Variants in SLCO3A1 observed in about 807,000 individuals in gnomAD.
SLCO3A1 encodes the protein PGE1 transporter.
In SLCO3A1, 27 loss-of-function variants were observed where a neutral mutation model predicts 63.1. The observed-to-expected ratio is 0.43, with a 90% confidence interval of 0.32 to 0.59. The LOEUF is 0.59. SLCO3A1 is among the 20% of genes least tolerant of loss of function. The pLI, the probability that SLCO3A1 is intolerant of heterozygous loss-of-function variation, is 0.09. For synonymous variants in SLCO3A1, 473 were observed against 409.9 expected (o/e 1.15, Z -1.86); for missense variants, 773 against 945.8 (o/e 0.82, Z 2.40).
intron 1 of SLCO3A1, chr15:91,889,254 G>GACC: frequency 3.4e-6 from 3 of 895,308 alleles, no homozygotes; most frequent in Non-Finnish European, 4.8e-6. Flanking sequence ...GGTCCTGCTG[G>GACC]ACCTGGAGTG....
chr15:91,953,029 A>G (rs766961350), intron 2 of SLCO3A1, among the ~76,000 whole-genome samples: 2 of 152,188 alleles, frequency 1.3e-5, no homozygotes, highest in Non-Finnish European at 2.9e-5. Flanking sequence ...CAAGAAGTAG[A>G]TAGGCATCAA....
At chr15:92,073,270 T>A (rs1358630420) in intron 2 of SLCO3A1, among the ~76,000 whole-genome samples, 2 of 152,188 alleles carry the variant, frequency 1.3e-5, no homozygotes, top group Non-Finnish European at 2.9e-5. Context: ...AGATCCTTAG[T>A]TCTTGGGTCA....
At chr15:91,978,582 C>A (rs1377683190) in intron 2 of SLCO3A1, among the ~76,000 whole-genome samples, 1 of 152,284 alleles carries the variant, frequency 6.6e-6, no homozygotes, top group East Asian at 1.9e-4. Context: ...ACTTTTTTCC[C>A]CCCTCAGTGG....
intron 7 of SLCO3A1, among the ~76,000 whole-genome samples, chr15:92,143,677 G>A (rs1772923510): frequency 1.3e-5 from 2 of 148,362 alleles, no homozygotes; most frequent in Non-Finnish European, 3.0e-5. Context: ...GCAAAATTGT[G>A]GTTTTTGTCA....
intron 2 of SLCO3A1, among the ~76,000 whole-genome samples, chr15:91,987,946 G>A (rs77305687): frequency 2.6e-5 from 4 of 151,902 alleles, no homozygotes; most frequent in African/African-American, 9.7e-5. Context: ...GGGATTTGCC[G>A]GCAAAGGATT....
chr15:91,909,934 C>T (rs961305611), intron 1 of SLCO3A1, among the ~76,000 whole-genome samples: 1 of 152,200 alleles, frequency 6.6e-6, no homozygotes, highest in Non-Finnish European at 1.5e-5. Context: ...ACAGCTGCCC[C>T]GGCCGTCTCT....
intron 7 of SLCO3A1, among the ~76,000 whole-genome samples, chr15:92,128,707 T>C (rs1413839419): frequency 6.6e-6 from 1 of 152,090 alleles, no homozygotes; most frequent in African/African-American, 2.4e-5. Context: ...CAACTGAAAG[T>C]AAAAATTCAA....
At chr15:92,025,477 A>ACTG (rs929598958) in intron 2 of SLCO3A1, among the ~76,000 whole-genome samples, 1 of 152,066 alleles carries the variant, frequency 6.6e-6, no homozygotes, top group Non-Finnish European at 1.5e-5. Context: ...CACTACTACT[A>ACTG]CTGCTGCTGC....
In SLCO3A1 at chr15:91,950,514, C is replaced by G. The variant is rs1597149580; in HGVS notation, c.646+34056C>G. ...CGTTGTGCAGTATGGCAGGCGCACC[C>G]CACATGGGTGTGTGATCCTTTGTTT... On this transcript the variant is annotated intron_variant, in intron 2 of 9. Transcript: ENST00000318445. The surrounding 1 kb of genome is among the most constrained non-coding windows in gnomAD (Gnocchi z 4.4). 1.3e-5 allele frequency among the ~76,000 whole-genome samples: 2 copies of G among 152,236 alleles called. No homozygotes were observed. The highest frequency in any genetic ancestry group is 2.9e-5 in the Non-Finnish European group (2 of 68,040).
intron 2 of SLCO3A1, among the ~76,000 whole-genome samples, chr15:92,077,732 C>T (rs141201469): frequency 8.7e-4 from 132 of 152,336 alleles, no homozygotes; most frequent in Non-Finnish European, 8.8e-5. Flanking sequence ...TTCCCAGAGC[C>T]AGCAGGGATA....
chr15:92,118,452 G>A (rs1273147068), intron 4 of SLCO3A1, among the ~76,000 whole-genome samples: 1 of 151,286 alleles, frequency 6.6e-6, no homozygotes, highest in Non-Finnish European at 1.5e-5. Flanking sequence ...CTTGAAACTT[G>A]ATACCATTCC....
intron 2 of SLCO3A1, among the ~76,000 whole-genome samples, chr15:91,984,455 T>C (rs78598598): frequency 1.3e-5 from 2 of 152,206 alleles, no homozygotes; most frequent in East Asian, 3.8e-4. Context: ...GATAAGATGA[T>C]GTATTTATGC....
chr15:92,165,571 A>T lies in SLCO3A1; in HGVS notation c.*2436A>T. 7 of 984,814 alleles carry T rather than the reference A, an allele frequency of 7.1e-6. No homozygotes were observed. The highest frequency in any genetic ancestry group is 8.4e-6 in the Non-Finnish European group (7 of 829,386). 61.0% of individuals were successfully genotyped at this position (984,814 alleles called of 1,614,324 possible). A position where few individuals can be genotyped will look rare whatever the true frequency, so the allele number is the denominator to read the frequency against. On this transcript the variant is annotated 3_prime_UTR_variant, in exon 10 of 10. Coordinates refer to ENST00000318445, the MANE Select transcript of SLCO3A1 (RefSeq NM_013272.4). ...TTTTTTTCCTAAGATTTTAGGATGA[A>T]TGTGAAAAAGATGTTAGAATAACAG...
chr15:92,067,491 G>A (rs770535212), intron 2 of SLCO3A1, among the ~76,000 whole-genome samples: 3 of 152,158 alleles, frequency 2.0e-5, no homozygotes, highest in African/African-American at 7.2e-5. Context: ...TTGTCTACTC[G>A]TCTTCCTCCT....
intron 7 of SLCO3A1, among the ~76,000 whole-genome samples, chr15:92,130,844 G>A (rs1208603565): frequency 1.7e-5 from 2 of 114,442 alleles, no homozygotes; most frequent in South Asian, 2.9e-4. Context: ...TCCCTCCCTC[G>A]CCCCCTTTTT....
intron 2 of SLCO3A1, among the ~76,000 whole-genome samples, chr15:91,969,501 T>C (rs1254170272): frequency 1.3e-5 from 2 of 152,168 alleles, no homozygotes; most frequent in East Asian, 3.9e-4. Flanking sequence ...AGTAGGGGGT[T>C]TCTCCATGTT....
At chr15:92,135,087 T>A (rs10852167) in intron 7 of SLCO3A1, among the ~76,000 whole-genome samples, 1 of 152,224 alleles carries the variant, frequency 6.6e-6, no homozygotes, top group Admixed American at 6.5e-5. Context: ...AAGGACATTC[T>A]AGCCGGAAGA....
chr15:92,060,592 G>C (rs12917267), intron 2 of SLCO3A1, among the ~76,000 whole-genome samples: 116,788 of 151,478 alleles, frequency 0.77, 45,317 homozygotes, highest in Admixed American at 0.87. Context: ...CTCCGCCTCC[G>C]GGGTTCAGGC....
chr15:92,138,406 T>C (rs2048086011), intron 7 of SLCO3A1, among the ~76,000 whole-genome samples: 1 of 107,026 alleles, frequency 9.3e-6, no homozygotes, highest in South Asian at 2.7e-4. Context: ...AGTCAGGTAG[T>C]GTGATGCCTC....
Sources: allele counts gnomAD v4.1 joint callset (sites outside exome capture counted in the v4.1 genomes callset), GRCh38; gene constraint gnomAD v4.1.1; non-coding constraint Gnocchi (gnomAD v3.1); transcripts MANE v1.5; gene names NCBI Gene and HGNC (gene_info 2026-07-23, HGNC 2026-07-21).